CYP2R1: variants seen among roughly 807,000 people sequenced by gnomAD.
The protein encoded by CYP2R1 is vitamin D 25-hydroxylase.
In CYP2R1, 40 loss-of-function variants were observed where a neutral mutation model predicts 45.7. That is an observed-to-expected ratio of 0.87 (90% confidence interval 0.68 to 1.14). The LOEUF (loss-of-function observed/expected upper bound fraction) is 1.14. Among genes scored for constraint, CYP2R1 ranks in the 50% most tolerant of loss-of-function variants. The pLI, the probability that CYP2R1 is intolerant of heterozygous loss-of-function variation, is 0.00. For synonymous variants in CYP2R1, 234 were observed against 219.3 expected (o/e 1.07, Z -0.59); for missense variants, 605 against 602.6 (o/e 1.00, Z -0.04).
At chr11:14,891,707 T>A in intron 1 of CYP2R1, 1 of 1,235,740 alleles carries the variant, frequency 8.1e-7, no homozygotes, top group Non-Finnish European at 1.0e-6. Flanking sequence ...GAGCAAGAGC[T>A]CGAGCGGTAG....
intron 1 of CYP2R1, among the ~76,000 whole-genome samples, chr11:14,890,243 A>G (rs1269940229): frequency 2.6e-5 from 4 of 151,754 alleles, no homozygotes; most frequent in African/African-American, 7.3e-5. Flanking sequence ...CTCAGAATAG[A>G]GGTCAAGTTT....
chr11:14,883,556 C>T lies in CYP2R1; in HGVS notation c.367+2220G>A, dbSNP rs1458246716. Among the ~76,000 whole-genome samples, 28 of 151,666 alleles carry T rather than the reference C, an allele frequency of 1.8e-4. No individual in the cohort carries two copies. In the South Asian group the frequency reaches 3.3e-3, roughly 18 times the overall value. ...ATTCAAGATGGATTAAAGACTTAAACGTTAGACCTAAAACCATAAAAACCC... is the reference window on the plus strand; with the variant it reads ...ATTCAAGATGGATTAAAGACTTAAATGTTAGACCTAAAACCATAAAAACCC... On this transcript the variant is annotated intron_variant, in intron 2 of 4. Coordinates refer to ENST00000334636, the MANE Select transcript of CYP2R1 (RefSeq NM_024514.5).
chr11:14,889,470 G>A (rs1368888025), intron 1 of CYP2R1, among the ~76,000 whole-genome samples: 1 of 152,130 alleles, frequency 6.6e-6, no homozygotes, highest in African/African-American at 2.4e-5. Flanking sequence ...TAGATCTAAG[G>A]CATAGTGAGG....
At chr11:14,890,917 C>T (rs1848826557) in intron 1 of CYP2R1, 2 of 985,268 alleles carry the variant, frequency 2.0e-6, no homozygotes, top group Non-Finnish European at 2.4e-6. Context: ...ACCACAGTTG[C>T]CAAACATCCC....
At chr11:14,885,966 A>T in intron 1 of CYP2R1, 49 bp from the exon 2 acceptor site, 1 of 1,575,676 alleles carries the variant, frequency 6.3e-7, no homozygotes, top group Non-Finnish European at 8.7e-7. Flanking sequence ...ATGTATGGAG[A>T]AATATAACCA....
At chr11:14,881,431 C>G (rs1848382687) in intron 2 of CYP2R1, among the ~76,000 whole-genome samples, 1 of 152,080 alleles carries the variant, frequency 6.6e-6, no homozygotes, top group Non-Finnish European at 1.5e-5. Flanking sequence ...AATTTTCTCC[C>G]TTAAATTAAT....
intron 2 of CYP2R1, among the ~76,000 whole-genome samples, chr11:14,883,804 CCA>C (rs1848491652): frequency 6.6e-6 from 1 of 152,146 alleles, no homozygotes; most frequent in African/African-American, 2.4e-5. Context: ...GGGCTAATAT[CCA>C]GAGTCTACAA....
rs376977775 is a variant in CYP2R1, at chr11:14,890,750, G to C, written c.225+1231C>G. 1.4e-3 allele frequency: 729 copies of C among 533,942 alleles called. 9 individuals are homozygous for C. The African/African-American group carries it at 0.015, about 11-fold the overall frequency. 33.1% of individuals were successfully genotyped at this position (533,942 alleles called of 1,614,324 possible). On this transcript the variant is annotated intron_variant, in intron 1 of 4. Transcript: ENST00000334636. ...CTTTTAGTAGAGATGGGGTTTCACC[G>C]TGTTAGCCACGACGGTCTCGATCTC...
rs182708696 is a variant in CYP2R1 at position 14,890,841 on chromosome 11, C to T, written c.225+1140G>A. ...GGGATTATAGGCGTGAGCCACCGCG[C>T]CCGGGCACCTAGACCAATCCTTGTA... is the stretch of plus-strand genomic sequence containing the variant. On this transcript the variant is annotated intron_variant, in intron 1 of 4. Coordinates refer to ENST00000334636, the MANE Select transcript of CYP2R1 (RefSeq NM_024514.5). The T allele has an allele frequency of 5.0e-4, 493 of 985,054 alleles. 2 individuals carry two copies. In the African/African-American group the frequency reaches 6.5e-3, roughly 13 times the overall value. The allele number at this position is 985,054 out of a possible 1,614,324, so 61.0% of individuals were successfully genotyped here.
At position 14,885,889 on chromosome 11, in the gene CYP2R1, G is replaced by C. The variant is rs782025990; in HGVS notation, c.254C>G (p.Ser85Ter). ...ATCATAGCCATTTAGAACCACAGTTGATATGCCTCCAAGATCTAAACTGAA... is the reference window on the plus strand; with the variant it reads ...ATCATAGCCATTTAGAACCACAGTTCATATGCCTCCAAGATCTAAACTGAA... ...EIFSLDLGGI[S>*]TVVLNGYDVV... is the part of the protein sequence containing the mutation. The change falls in exon 2 of 5, where the codon TCA becomes TGA. Residue 85 changes from serine (S) to a stop codon, truncating the protein, a stop_gained. Coordinates refer to ENST00000334636, the MANE Select transcript of CYP2R1 (RefSeq NM_024514.5). LOFTEE classifies it high-confidence loss of function. The C allele has an allele frequency of 3.1e-6, 5 of 1,613,500 alleles. No homozygotes were observed. The highest frequency in any genetic ancestry group is 3.4e-6 in the Non-Finnish European group (4 of 1,179,648).
chr11:14,879,056 T>G, intron 4 of CYP2R1, 58 bp downstream of exon 4: 3 of 1,321,810 alleles, frequency 2.3e-6, no homozygotes, highest in Non-Finnish European at 2.2e-6. Context: ...AGATGCTGTA[T>G]CTAATGAATT....
At chr11:14,884,414 C>T (rs1848523742) in intron 2 of CYP2R1, among the ~76,000 whole-genome samples, 2 of 151,698 alleles carry the variant, frequency 1.3e-5, no homozygotes, top group South Asian at 4.2e-4. Flanking sequence ...TCATCATTCT[C>T]AGTAAACTAT....
intron 2 of CYP2R1, among the ~76,000 whole-genome samples, chr11:14,881,139 A>G (rs1214894749): frequency 6.6e-6 from 1 of 152,140 alleles, no homozygotes; most frequent in Non-Finnish European, 1.5e-5. Context: ...ATCTTAGACT[A>G]AACAAACACC....
chr11:14,882,971 T>G (rs1258523998), intron 2 of CYP2R1, among the ~76,000 whole-genome samples: 128 of 152,180 alleles, frequency 8.4e-4, no homozygotes, highest in African/African-American at 2.8e-3. Flanking sequence ...GAATCCAACT[T>G]ACAAGGGATG....
At chr11:14,878,409 G>C in intron 4 of CYP2R1, 112 bp from the exon 5 acceptor site, 1 of 1,025,498 alleles carries the variant, frequency 9.8e-7, no homozygotes, top group Non-Finnish European at 1.4e-6. Context: ...AAAGAAAGAG[G>C]GAACTATGTT....
At chr11:14,890,485 G>A (rs1590234212) in intron 1 of CYP2R1, 6 of 957,840 alleles carry the variant, frequency 6.3e-6, no homozygotes, top group Non-Finnish European at 7.4e-6. Flanking sequence ...CGTGAACCAT[G>A]AAAGGAACGT....
Position 14,892,123 on chromosome 11 carries a change from C to T in CYP2R1, c.83G>A (p.Arg28His). ...CGGCCGCCTCTGCTTCAGCAGCTGG[C>T]GGACCCCTAGCGCGAAGAGCAGCAG... The part of the protein sequence containing the change: ...LFLLLFALGV[R>H]QLLKQRRPMG... The change falls in exon 1 of 5, where the codon CGC (arginine) becomes CAC (histidine). Residue 28 changes from arginine to histidine, a missense_variant. Arg to His is a conservative substitution (Grantham distance 29, BLOSUM62 0). Transcript: ENST00000334636. The T allele has an allele frequency of 6.2e-7, 1 of 1,611,548 alleles. No homozygotes were observed.
intron 1 of CYP2R1, 164 bp downstream of exon 1, chr11:14,891,817 C>T: frequency 1.0e-6 from 1 of 974,828 alleles, no homozygotes; most frequent in Non-Finnish European, 1.2e-6. Flanking sequence ...TCGAGGACTT[C>T]TCCCTTCCAG....
chr11:14,885,843 A>G lies in CYP2R1; in HGVS notation c.300T>C (p.Val100=). The change falls in exon 2 of 5, where the codon GTT becomes GTC. Residue 100 remains valine (V), a synonymous_variant. Transcript: ENST00000334636. The part of the protein sequence containing the change: ...NGYDVVKECL[V]HQSEIFADRP... ...TGTCTGCAAAAATTTCGCTTTGATG[A>G]ACAAGGCATTCCTTTACTACATCAT... is the stretch of plus-strand genomic sequence containing the variant. 1 of 1,613,684 alleles carries G rather than the reference A, an allele frequency of 6.2e-7. No homozygotes were observed. Among genetic ancestry groups the G allele is most frequent in the East Asian group, 2.2e-5 (1 of 44,866 alleles).
Sources: gnomAD v4.1 joint callset for allele counts (sites outside exome capture counted in the v4.1 genomes callset) on GRCh38, gnomAD v4.1.1 for gene constraint, MANE v1.5 for transcripts, NCBI Gene and HGNC (gene_info 2026-07-23, HGNC 2026-07-21) for gene names.